EPB41L1: variants seen among roughly 807,000 people sequenced by gnomAD.
The protein encoded by EPB41L1 is erythrocyte membrane protein band 4.1 like 1.
EPB41L1 carries 29 observed loss-of-function variants against 97.8 expected under a neutral mutation model. The ratio of observed to expected loss-of-function variants is 0.30; its 90% CI spans 0.22 to 0.40. The LOEUF is 0.40. Ranked by LOEUF, EPB41L1 falls within the 10% of genes least tolerant of loss-of-function variation. EPB41L1 has a pLI of 1.00. For synonymous variants in EPB41L1, 383 were observed against 459.2 expected, an observed-to-expected ratio of 0.83 and a Z score of 2.12; for missense variants, 812 against 1,162.3, an observed-to-expected ratio of 0.70 and a Z score of 4.38.
chr20:36,216,253 G>A (rs1569353546), intron 17 of EPB41L1, among the ~76,000 whole-genome samples: 2 of 152,190 alleles, frequency 1.3e-5, no homozygotes, highest in Non-Finnish European at 2.9e-5. Context: ...TATGCTTGAA[G>A]GATAAATTAA....
intron 19 of EPB41L1, among the ~76,000 whole-genome samples, chr20:36,220,895 A>C (rs2147075628): frequency 6.6e-6 from 1 of 152,312 alleles, no homozygotes; most frequent in South Asian, 2.1e-4. Context: ...GAGCCATCAG[A>C]GGAGAACTCT....
intron 8 of EPB41L1, 146 bp downstream of exon 8, chr20:36,187,909 CATAACCTTTT>C: frequency 1.3e-6 from 1 of 743,912 alleles, no homozygotes; most frequent in Middle Eastern, 3.6e-4. Flanking sequence ...CTCGAAGTTC[CATAACCTTTT>C]ATTTTCTCAT....
In EPB41L1 at chr20:36,231,384, T is replaced by G. The variant is rs1417628306; in HGVS notation, c.*2044T>G. On this transcript the variant is annotated 3_prime_UTR_variant, in exon 22 of 22. Coordinates refer to ENST00000338074, the MANE Select transcript of EPB41L1 (RefSeq NM_012156.2). ...TTAATAAATTCATTCCACAAGTATT[T>G]ACTGATTACCTGCTTGTGCCAGGGA... 6.6e-6 allele frequency: 1 copy of G among 152,220 alleles called. No homozygotes were observed. The highest frequency in any genetic ancestry group is 1.5e-5 in the Non-Finnish European group (1 of 68,030). The allele number at this position is 152,220 out of a possible 1,614,324, so 9.4% of individuals were successfully genotyped here.
At chr20:36,156,730 A>G (rs925522640) in intron 1 of EPB41L1, among the ~76,000 whole-genome samples, 7 of 152,122 alleles carry the variant, frequency 4.6e-5, no homozygotes, top group Non-Finnish European at 1.0e-4. Flanking sequence ...GTCAGGGCTG[A>G]GAGAAAGGGC....
chr20:36,155,343 T>C, intron 1 of EPB41L1: 2 of 363,714 alleles, frequency 5.5e-6, no homozygotes, highest in East Asian at 1.5e-4. Context: ...CCTTCCCCGC[T>C]CTGGGCTTGC....
intron 5 of EPB41L1, among the ~76,000 whole-genome samples, chr20:36,182,025 G>A (rs2061490350): frequency 6.6e-6 from 1 of 152,168 alleles, no homozygotes; most frequent in African/African-American, 2.4e-5. Flanking sequence ...CAGTGTGCCT[G>A]GCATGCAGCG....
intron 19 of EPB41L1, among the ~76,000 whole-genome samples, chr20:36,220,232 G>A (rs1218792143): frequency 6.6e-6 from 1 of 152,274 alleles, no homozygotes; most frequent in Non-Finnish European, 1.5e-5. Context: ...GGACACCTGA[G>A]GGAGGAGAAG....
In EPB41L1 at chr20:36,187,678, G is replaced by T. The variant is rs1292842688; in HGVS notation, c.788G>T (p.Gly263Val). The T allele has an allele frequency of 6.2e-7, 1 of 1,613,964 alleles. No individual in the cohort carries two copies. Among genetic ancestry groups the T allele is most frequent in the East Asian group, 2.2e-5 (1 of 44,878 alleles). Residue 263 changes from glycine to valine, a missense_variant and splice_region_variant, in exon 8 of 22, where the codon GGG becomes GTG. Around this residue, in one of 3 missense-constraint regions of EPB41L1, gnomAD observed 230 missense variants for 445.2 expected, o/e 0.52. Coordinates refer to ENST00000338074, the MANE Select transcript of EPB41L1 (RefSeq NM_012156.2). ...RIMELHKTYR[G>V]MTPGEAEIHF... ...TGTGATCACTTTCTTTCCCTCAGGG[G>T]GATGACCCCGGGAGAAGCAGAAATC...
At chr20:36,189,611 A>C (rs549208461) in intron 9 of EPB41L1, among the ~76,000 whole-genome samples, 2 of 152,258 alleles carry the variant, frequency 1.3e-5, no homozygotes, top group South Asian at 4.1e-4. Context: ...GATCACCTAG[A>C]TCTAGGTCTA....
chr20:36,164,978 G>A (rs970632730), intron 1 of EPB41L1, among the ~76,000 whole-genome samples: 9 of 151,738 alleles, frequency 5.9e-5, no homozygotes, highest in East Asian at 3.9e-4. Context: ...GAGCCACTGC[G>A]CCTGGCTATT....
intron 1 of EPB41L1, among the ~76,000 whole-genome samples, chr20:36,169,648 C>T (rs757976708): frequency 2.6e-5 from 4 of 152,214 alleles, no homozygotes; most frequent in Non-Finnish European, 4.4e-5. Flanking sequence ...CCCTTCTTCC[C>T]ATCTCTGGGC....
At position 36,209,461 on chromosome 20, in the gene EPB41L1, C is replaced by T; in HGVS notation, c.1669-27C>T. The stretch of plus-strand genomic sequence containing the variant: ...TCTCTCTCTCCCCACCCCACATCCC[C>T]ATTCTTTTGATTTTATCTGGCCATA... On this transcript the variant is annotated intron_variant, in intron 14 of 21. Transcript: ENST00000338074. This position sits in a 1 kb window ranked among gnomAD's most constrained non-coding sequence, Gnocchi z 4.2. 1 of 1,611,140 alleles carries T rather than the reference C, an allele frequency of 6.2e-7. No homozygotes were observed. The highest frequency in any genetic ancestry group is 8.5e-7 in the Non-Finnish European group (1 of 1,177,926).
intron 2 of EPB41L1, chr20:36,125,540 C>T: frequency 6.5e-7 from 1 of 1,535,274 alleles, no homozygotes; most frequent in Non-Finnish European, 8.7e-7. Flanking sequence ...GAGCTATTAT[C>T]TTCCATTCAA....
intron 1 of EPB41L1, among the ~76,000 whole-genome samples, chr20:36,170,318 A>T (rs1239180027): frequency 6.6e-6 from 1 of 152,242 alleles, no homozygotes; most frequent in East Asian, 1.9e-4. Flanking sequence ...CAAGAACTAC[A>T]GTTAAACAGA....
intron 1 of EPB41L1, among the ~76,000 whole-genome samples, chr20:36,171,862 C>T (rs1425946083): frequency 2.0e-5 from 3 of 152,158 alleles, no homozygotes; most frequent in Non-Finnish European, 4.4e-5. Context: ...TAGCCTGAAT[C>T]TCTCTCATGT....
chr20:36,133,861 A>C (rs2059316613), intron 2 of EPB41L1, among the ~76,000 whole-genome samples: 1 of 151,978 alleles, frequency 6.6e-6, no homozygotes, highest in Non-Finnish European at 1.5e-5. Flanking sequence ...CTGTCAAAAA[A>C]AAAAAAAAAA....
At chr20:36,159,536 C>G (rs1164350606) in intron 1 of EPB41L1, among the ~76,000 whole-genome samples, 2 of 152,236 alleles carry the variant, frequency 1.3e-5, no homozygotes, top group African/African-American at 2.4e-5. Flanking sequence ...TGACGCTAGA[C>G]TCCAGTCTCC....
At position 36,206,358 on chromosome 20, in the gene EPB41L1, C is replaced by T; in HGVS notation, c.1669-3130C>T. Reference sequence around the variant, plus strand: ...CCAGGCCAGCAGAGGTGGACGTCCTCTCTCCAGCCTCCGACAAGGGAGGAC... The same window carrying T: ...CCAGGCCAGCAGAGGTGGACGTCCTTTCTCCAGCCTCCGACAAGGGAGGAC... On this transcript the variant is annotated intron_variant, in intron 14 of 21. Coordinates refer to ENST00000338074, the MANE Select transcript of EPB41L1 (RefSeq NM_012156.2). The surrounding 1 kb of genome is among the most constrained non-coding windows in gnomAD (Gnocchi z 5.5). 1 of 1,289,928 alleles carries T rather than the reference C, an allele frequency of 7.8e-7. No homozygotes were observed. Among genetic ancestry groups the T allele is most frequent in the Non-Finnish European group, 1.0e-6 (1 of 988,908 alleles). The allele number at this position is 1,289,928 out of a possible 1,614,324, so 79.9% of individuals were successfully genotyped here.
chr20:36,221,745 A>C, intron 19 of EPB41L1, 119 bp from the exon 20 acceptor site: 1 of 855,588 alleles, frequency 1.2e-6, no homozygotes, highest in Non-Finnish European at 2.0e-6. Flanking sequence ...GGAAGTCAGG[A>C]GAGAAGGTAA....
Sources: gnomAD v4.1 joint callset for allele counts (sites outside exome capture counted in the v4.1 genomes callset) on GRCh38, gnomAD v4.1.1 for gene constraint, gnomAD v4.1.1 regional missense constraint, Gnocchi (gnomAD v3.1) non-coding constraint, MANE v1.5 for transcripts, NCBI Gene and HGNC (gene_info 2026-07-23, HGNC 2026-07-21) for gene names.